AKAP13: variants seen among roughly 807,000 people sequenced by gnomAD.
AKAP13 encodes A-kinase anchor protein 13.
In AKAP13, 80 loss-of-function variants were observed where a neutral mutation model predicts 264.5. The observed-to-expected ratio is 0.30, with a 90% CI of 0.25 to 0.36. AKAP13 has a LOEUF of 0.36. Among genes scored for constraint, AKAP13 ranks in the 10% least tolerant of loss-of-function variants. The pLI, the probability that AKAP13 is intolerant of heterozygous loss-of-function variation, is 1.00. For synonymous variants in AKAP13, 1,380 were observed against 1,250.2 expected (o/e 1.10, Z -2.19); for missense variants, 3,712 against 3,435.2 (o/e 1.08, Z -2.01).
intron 2 of AKAP13, among the ~76,000 whole-genome samples, chr15:85,491,328 A>T (rs1198215420): frequency 2.0e-5 from 3 of 151,916 alleles, no homozygotes; most frequent in African/African-American, 7.3e-5. Context: ...CCTAATGTGG[A>T]TCTGCTGACC....
At chr15:85,485,780 A>C in intron 2 of AKAP13, 27 bp downstream of exon 2, 1 of 1,608,442 alleles carries the variant, frequency 6.2e-7, no homozygotes, top group Non-Finnish European at 8.5e-7. Flanking sequence ...ATTTCTTATT[A>C]TTTTGTGTTT....
chr15:85,448,531 TTAATTTTTA>T (rs2073975157), intron 1 of AKAP13, among the ~76,000 whole-genome samples: 1 of 152,222 alleles, frequency 6.6e-6, no homozygotes, highest in Admixed American at 6.5e-5. Flanking sequence ...CCATCTTGAG[TTAATTTTTA>T]TACAGAATGT....
intron 3 of AKAP13, among the ~76,000 whole-genome samples, chr15:85,527,029 A>G (rs1274829255): frequency 1.3e-5 from 2 of 148,424 alleles, no homozygotes; most frequent in African/African-American, 5.0e-5. Flanking sequence ...ATCTCTGCTC[A>G]CTGCAAGCTC....
rs1372219873 is a variant in AKAP13, at chr15:85,741,455, A to T, written c.8018A>T (p.Glu2673Val). 5.6e-6 allele frequency: 9 copies of T among 1,606,722 alleles called. No homozygotes were observed. The highest frequency in any genetic ancestry group is 1.3e-5 in the African/African-American group (1 of 74,786). The change falls in exon 35 of 37, where the codon GAG becomes GTG. Residue 2673 changes from glutamate (E) to valine (V), a missense_variant. This residue lies in a region of AKAP13 where 611 missense variants were observed against 539.3 expected (regional missense o/e 1.13). Coordinates refer to ENST00000394518, the MANE Select transcript of AKAP13 (RefSeq NM_007200.5). ...REQEQLRREA[E>V]RLSQRQTERD... ...CAGGAGCAGCTGCGCCGGGAGGCAG[A>T]GCGGCTCAGCCAGCGGCAGACAGAA...
chr15:85,483,632 C>CAAAAAAAAA (rs35648447), intron 1 of AKAP13, among the ~76,000 whole-genome samples: 4,937 of 57,056 alleles, frequency 0.087, 286 homozygotes, highest in Non-Finnish European at 0.11. Flanking sequence ...GACTCCGTCT[C>CAAAAAAAAA]AAAAAAAAAA....
intron 1 of AKAP13, among the ~76,000 whole-genome samples, chr15:85,449,130 T>A (rs2073998961): frequency 6.6e-6 from 1 of 152,178 alleles, no homozygotes; most frequent in African/African-American, 2.4e-5. Flanking sequence ...CCTGGTTAGC[T>A]GTATTCCTAG....
intron 30 of AKAP13, 113 bp downstream of exon 30, chr15:85,730,820 C>T: frequency 7.7e-6 from 7 of 914,610 alleles, no homozygotes; most frequent in Non-Finnish European, 1.6e-6. Flanking sequence ...CAGAAAATTA[C>T]CCAAAACAAA....
chr15:85,717,444 A>G (rs1410485211), intron 21 of AKAP13, 42 bp downstream of exon 21: 3 of 1,369,402 alleles, frequency 2.2e-6, no homozygotes, highest in Non-Finnish European at 2.1e-6. Flanking sequence ...CTCTGTAGGG[A>G]CTGTGTGTGT....
chr15:85,618,067 C>A (rs536320486), intron 8 of AKAP13, among the ~76,000 whole-genome samples: 1 of 152,286 alleles, frequency 6.6e-6, no homozygotes, highest in Admixed American at 6.5e-5. Context: ...TCGGATGAAC[C>A]AGTGAGGAAT....
chr15:85,469,955 A>G (rs1194157165), intron 1 of AKAP13, among the ~76,000 whole-genome samples: 2 of 152,224 alleles, frequency 1.3e-5, no homozygotes, highest in Admixed American at 6.5e-5. Context: ...GCAGCCTTCA[A>G]TAATCTCTCT....
intron 5 of AKAP13, among the ~76,000 whole-genome samples, chr15:85,562,830 G>T (rs2078448920): frequency 6.8e-6 from 1 of 147,246 alleles, no homozygotes; most frequent in South Asian, 2.1e-4. Context: ...TGAGTAGCTG[G>T]GATTACAGGC....
intron 1 of AKAP13, among the ~76,000 whole-genome samples, chr15:85,384,342 G>A (rs1290858004): frequency 2.0e-5 from 3 of 152,202 alleles, no homozygotes; most frequent in African/African-American, 7.2e-5. Flanking sequence ...CCATTTGGAA[G>A]TAGCTTCCCT....
chr15:85,466,357 A>G lies in AKAP13; in HGVS notation c.-11-19353A>G, dbSNP rs2074741737. 2.6e-5 allele frequency among the ~76,000 whole-genome samples: 4 copies of G among 152,174 alleles called. No homozygotes were observed. The South Asian group carries it at 8.3e-4, about 32-fold the overall frequency. Reference sequence around the variant, plus strand: ...TGCTGTACAGAAGCTCTTTAGTTTAATTAGATCCCATTTGTCAATTTTGGC... The same window carrying G: ...TGCTGTACAGAAGCTCTTTAGTTTAGTTAGATCCCATTTGTCAATTTTGGC... On this transcript the variant is annotated intron_variant, in intron 1 of 36. Transcript: ENST00000394518.
Position 85,415,482 on chromosome 15 carries a change from G to C in AKAP13, c.-12+34684G>C, listed in dbSNP as rs1213933812. The C allele has an allele frequency of 1.3e-5, 21 of 1,574,398 alleles. No individual in the cohort carries two copies. The Admixed American group carries it at 3.2e-4, about 24-fold the overall frequency. Reference sequence around the variant, plus strand: ...AGCTGATGGCAGAAAAACTCAGACTGTGTGCAACTTTACAGATGGTGCATT... The same window carrying C: ...AGCTGATGGCAGAAAAACTCAGACTCTGTGCAACTTTACAGATGGTGCATT... On this transcript the variant is annotated intron_variant, in intron 1 of 36. Transcript: ENST00000394518.
Position 85,542,102 on chromosome 15 carries a change from A to G in AKAP13, c.479-1670A>G, listed in dbSNP as rs996799777. Among the ~76,000 whole-genome samples the G allele has an allele frequency of 3.3e-5, 5 of 152,356 alleles. No individual in the cohort carries two copies. The South Asian group carries it at 6.2e-4, about 19-fold the overall frequency. On this transcript the variant is annotated intron_variant, in intron 4 of 36. Coordinates refer to ENST00000394518, the MANE Select transcript of AKAP13 (RefSeq NM_007200.5). ...CATTAGCTCTTTGTTCTTGATAAGG[A>G]TGTCAGAACAACTGTAAGGCAAAAG...
chr15:85,705,182 T>C (rs545774873), intron 17 of AKAP13, among the ~76,000 whole-genome samples: 1 of 152,372 alleles, frequency 6.6e-6, no homozygotes, highest in South Asian at 2.1e-4. Context: ...TCTCAGACAC[T>C]CAAACACTGG....
At chr15:85,417,298 G>T (rs1483371070) in intron 1 of AKAP13, among the ~76,000 whole-genome samples, 4 of 152,130 alleles carry the variant, frequency 2.6e-5, no homozygotes, top group Non-Finnish European at 5.9e-5. Flanking sequence ...TTTCAGGGAT[G>T]GGTGACTTCA....
At chr15:85,487,715 G>C (rs749456552) in intron 2 of AKAP13, among the ~76,000 whole-genome samples, 1 of 150,716 alleles carries the variant, frequency 6.6e-6, no homozygotes, top group East Asian at 1.9e-4. Context: ...ACAGATGTGC[G>C]CCACCATGCC....
intron 1 of AKAP13, among the ~76,000 whole-genome samples, chr15:85,464,053 A>G (rs771769479): frequency 1.3e-5 from 2 of 152,108 alleles, no homozygotes; most frequent in African/African-American, 2.4e-5. Flanking sequence ...TTTTTGTCCT[A>G]GTTGCTCTTG....
Sources: allele counts gnomAD v4.1 joint callset (sites outside exome capture counted in the v4.1 genomes callset), GRCh38; gene constraint gnomAD v4.1.1; regional missense constraint gnomAD v4.1.1; transcripts MANE v1.5; gene names NCBI Gene and HGNC (gene_info 2026-07-23, HGNC 2026-07-21).